RIN2: variants seen among roughly 807,000 people sequenced by gnomAD.
RIN2 encodes the protein RAB5 interacting protein 2.
In RIN2, 36 loss-of-function variants were observed where a neutral mutation model predicts 78.0. The ratio of observed to expected loss-of-function variants is 0.46; its 90% CI spans 0.35 to 0.61. The LOEUF (loss-of-function observed/expected upper bound fraction) is 0.61, where lower values mean the gene tolerates loss of function less well. RIN2 is among the 20% of genes least tolerant of loss of function. RIN2 has a pLI of 0.00. For missense variants in RIN2, 1,087 were observed against 1,159.7 expected (o/e 0.94, Z 0.91); for synonymous variants, 466 against 466.8 (o/e 1.00, Z 0.02).
At chr20:19,947,453 T>A (rs1163118370) in intron 4 of RIN2, among the ~76,000 whole-genome samples, 1 of 152,180 alleles carries the variant, frequency 6.6e-6, no homozygotes. Context: ...AAAACTACAG[T>A]TCTTTATGTT....
At chr20:19,874,404 G>A (rs537451690) in intron 2 of RIN2, among the ~76,000 whole-genome samples, 11 of 152,316 alleles carry the variant, frequency 7.2e-5, no homozygotes, top group South Asian at 4.1e-4. Flanking sequence ...GCTAATTCAC[G>A]GTTGGTGATG....
chr20:19,980,297 G>T (rs1247447458), intron 9 of RIN2, among the ~76,000 whole-genome samples: 3 of 152,150 alleles, frequency 2.0e-5, no homozygotes, highest in Admixed American at 6.5e-5. Flanking sequence ...GAAGCACTTG[G>T]TTTTCCCCTG....
intron 2 of RIN2, among the ~76,000 whole-genome samples, chr20:19,857,355 C>T (rs2037200520): frequency 6.6e-6 from 1 of 152,014 alleles, no homozygotes; most frequent in Non-Finnish European, 1.5e-5. Context: ...ATGAATAATA[C>T]AATGGATTCA....
At chr20:19,998,273 C>T (rs897079575) in intron 12 of RIN2, among the ~76,000 whole-genome samples, 34 of 149,344 alleles carry the variant, frequency 2.3e-4, no homozygotes, top group East Asian at 5.0e-4. Flanking sequence ...TGAGCCACTG[C>T]GCCTGGCCAT....
At chr20:19,891,188 T>C (rs2038442783) in intron 3 of RIN2, among the ~76,000 whole-genome samples, 1 of 152,184 alleles carries the variant, frequency 6.6e-6, no homozygotes, top group Admixed American at 6.5e-5. Flanking sequence ...CAAAGTAGTC[T>C]CAGTTCTCAA....
intron 2 of RIN2, among the ~76,000 whole-genome samples, chr20:19,810,298 C>T (rs2035548215): frequency 6.6e-6 from 1 of 150,686 alleles, no homozygotes; most frequent in Admixed American, 6.6e-5. Flanking sequence ...GTCCCAGCTA[C>T]TTGGGAGGCT....
chr20:19,760,845 C>T (rs1163032634), intron 1 of RIN2, among the ~76,000 whole-genome samples: 1 of 152,160 alleles, frequency 6.6e-6, no homozygotes, highest in Admixed American at 6.5e-5. Context: ...CCTCCTTTCC[C>T]CAGTAAGACA....
At chr20:19,844,596 T>TGCTGCTG (rs1568806906) in intron 2 of RIN2, among the ~76,000 whole-genome samples, 37 of 99,310 alleles carry the variant, frequency 3.7e-4, no homozygotes, top group African/African-American at 9.8e-4. Context: ...TGCTGCTGCT[T>TGCTGCTG]CTTCCTCTTC....
intron 2 of RIN2, among the ~76,000 whole-genome samples, chr20:19,849,851 A>G (rs1414270734): frequency 6.6e-6 from 1 of 152,224 alleles, no homozygotes; most frequent in African/African-American, 2.4e-5. Context: ...GCCTCAAAAC[A>G]GCAGCCTCCA....
At chr20:19,855,353 G>A (rs913245872) in intron 2 of RIN2, among the ~76,000 whole-genome samples, 1 of 151,916 alleles carries the variant, frequency 6.6e-6, no homozygotes, top group Non-Finnish European at 1.5e-5. Context: ...TTTTTTTGTT[G>A]TGTCTCTGTC....
chr20:19,913,580 C>G (rs747524438), intron 3 of RIN2, among the ~76,000 whole-genome samples: 10 of 152,176 alleles, frequency 6.6e-5, no homozygotes, highest in Non-Finnish European at 1.2e-4. Context: ...TTAAATAATT[C>G]CCCATTCCTC....
intron 11 of RIN2, among the ~76,000 whole-genome samples, chr20:19,993,632 T>C (rs2042866987): frequency 6.6e-6 from 1 of 152,030 alleles, no homozygotes; most frequent in African/African-American, 2.4e-5. Flanking sequence ...TGTCCCCTTA[T>C]TAATATTACT....
At chr20:19,982,213 C>G (rs185577956) in intron 9 of RIN2, among the ~76,000 whole-genome samples, 1 of 152,282 alleles carries the variant, frequency 6.6e-6, no homozygotes, top group Non-Finnish European at 1.5e-5. Flanking sequence ...GGAGACGCCA[C>G]CCAGTCCTCC....
intron 3 of RIN2, among the ~76,000 whole-genome samples, chr20:19,906,456 G>GA (rs1016834709): frequency 5.9e-5 from 9 of 152,054 alleles, no homozygotes; most frequent in Non-Finnish European, 7.4e-5. Context: ...GTCTCAAAAA[G>GA]AAAAAAATAG....
chr20:19,799,865 A>C (rs142670384), intron 2 of RIN2, 118 bp downstream of exon 2: 24 of 152,338 alleles, frequency 1.6e-4, no homozygotes, highest in African/African-American at 5.5e-4. Context: ...TGGTCGTGGA[A>C]GGGACTTTGC....
intron 3 of RIN2, 26 bp from the exon 4 acceptor site, chr20:19,935,073 G>A (rs376610961): frequency 1.1e-4 from 164 of 1,555,418 alleles, no homozygotes; most frequent in Admixed American, 2.9e-4. Flanking sequence ...ACTTCCTGAC[G>A]TCATACTATT....
intron 2 of RIN2, among the ~76,000 whole-genome samples, chr20:19,834,355 G>A (rs986819744): frequency 2.0e-5 from 3 of 152,178 alleles, no homozygotes; most frequent in African/African-American, 7.2e-5. Context: ...CAATAGCAGG[G>A]AGAAGGGATA....
intron 3 of RIN2, among the ~76,000 whole-genome samples, chr20:19,933,962 C>T (rs1323659482): frequency 6.6e-6 from 1 of 152,120 alleles, no homozygotes; most frequent in Non-Finnish European, 1.5e-5. Flanking sequence ...GCACGCACCA[C>T]CACGCCTGGC....
intron 2 of RIN2, among the ~76,000 whole-genome samples, chr20:19,854,387 T>G (rs535894292): frequency 6.6e-6 from 1 of 152,372 alleles, no homozygotes; most frequent in Non-Finnish European, 1.5e-5. Flanking sequence ...CCATATGAAC[T>G]TTAAAGTAGT....
Sources: gnomAD v4.1 joint callset for allele counts (sites outside exome capture counted in the v4.1 genomes callset) on GRCh38, gnomAD v4.1.1 for gene constraint, MANE v1.5 for transcripts, NCBI Gene and HGNC (gene_info 2026-07-23, HGNC 2026-07-21) for gene names.